Variants in PMPCB observed in about 807,000 individuals in gnomAD.
The protein encoded by PMPCB is peptidase, mitochondrial processing subunit beta.
In PMPCB, 46 loss-of-function variants were observed where a neutral mutation model predicts 61.5. The ratio of observed to expected loss-of-function variants is 0.75; its 90% confidence interval spans 0.59 to 0.96. The LOEUF is 0.96. PMPCB is among the 40% of genes least tolerant of loss of function. The pLI is 0.00. For synonymous variants in PMPCB, 191 were observed against 201.6 expected (o/e 0.95, Z 0.44); for missense variants, 590 against 602.4 (o/e 0.98, Z 0.22).
chr7:103,310,391 A>G lies in PMPCB; in HGVS notation c.1070A>G (p.Tyr357Cys). 4 of 1,613,182 alleles carry G rather than the reference A, an allele frequency of 2.5e-6. No homozygotes were observed. The highest frequency in any genetic ancestry group is 3.4e-6 in the Non-Finnish European group (4 of 1,179,208). The change falls in exon 9 of 13, where the codon TAC becomes TGC. Residue 357 changes from tyrosine to cysteine, a missense_variant. Tyr to Cys is a radical substitution (Grantham distance 194). Coordinates refer to ENST00000249269, the MANE Select transcript of PMPCB (RefSeq NM_004279.3). Reference protein sequence around the residue: ...CHSFQSFNTSYTDTGLWGLYM... With the variant: ...CHSFQSFNTSCTDTGLWGLYM... Reference sequence around the variant, plus strand: ...AGCTTTCAGTCTTTCAACACTTCCTACACAGATACAGGATTATGGGGACTG... The same window carrying G: ...AGCTTTCAGTCTTTCAACACTTCCTGCACAGATACAGGATTATGGGGACTG...
Position 103,313,854 on chromosome 7 carries a change from A to C in PMPCB, c.*1583A>C. ...TAAAAGTAGAATGTTAAGTGGTAGA[A>C]AGCTGATTTGGTTAAGTTAATGGAC... On this transcript the variant is annotated 3_prime_UTR_variant, in exon 13 of 13. Transcript: ENST00000249269. The C allele has an allele frequency of 1.0e-6, 1 of 985,378 alleles. No homozygotes were observed. The highest frequency in any genetic ancestry group is 1.2e-6 in the Non-Finnish European group (1 of 829,882). 61.0% of individuals were successfully genotyped at this position (985,378 alleles called of 1,614,324 possible).
the PMPCB span, among the ~76,000 whole-genome samples, chr7:103,341,473 C>T: frequency 2.6e-5 from 4 of 152,200 alleles, no homozygotes; most frequent in African/African-American, 9.6e-5. Flanking sequence ...GTATATCTTA[C>T]TCCTTCTGCC....
Position 103,313,657 on chromosome 7 carries a change from T to G in PMPCB, c.*1386T>G, listed in dbSNP as rs374632521. On this transcript the variant is annotated 3_prime_UTR_variant, in exon 13 of 13. Transcript: ENST00000249269. ...GATTAGATTGTGTTGTAGTGTGGTG[T>G]TCTCTTCGTCACATCTGCTAAAATC... 10 of 985,338 alleles carry G rather than the reference T, an allele frequency of 1.0e-5. No individual in the cohort carries two copies. The highest frequency in any genetic ancestry group is 1.7e-5 in the African/African-American group (1 of 57,236). 61.0% of individuals were successfully genotyped at this position (985,338 alleles called of 1,614,324 possible). A position where few individuals can be genotyped will look rare whatever the true frequency, so the allele number is the denominator to read the frequency against.
chr7:103,321,541 A>AT (rs543145349), intron 12 of PMPCB, among the ~76,000 whole-genome samples: 50 of 148,724 alleles, frequency 3.4e-4, no homozygotes, highest in African/African-American at 3.9e-4. Flanking sequence ...AATAAAAATA[A>AT]TTTTTTTTTT....
At chr7:103,340,073 G>C in the PMPCB span, among the ~76,000 whole-genome samples, 10 of 152,144 alleles carry the variant, frequency 6.6e-5, no homozygotes, top group Admixed American at 5.9e-4. Flanking sequence ...CCTGACCTCG[G>C]GTGATCTGCC....
the PMPCB span, among the ~76,000 whole-genome samples, chr7:103,343,616 G>C: frequency 6.6e-6 from 1 of 152,182 alleles, no homozygotes; most frequent in Non-Finnish European, 1.5e-5. Flanking sequence ...TTACAAACTT[G>C]TAGTAAAGGT....
chr7:103,313,460 T>C lies in PMPCB; in HGVS notation c.*1189T>C. The C allele has an allele frequency of 2.0e-6, 2 of 985,050 alleles. No individual in the cohort carries two copies. Among genetic ancestry groups the C allele is most frequent in the Non-Finnish European group, 2.4e-6 (2 of 829,590 alleles). 61.0% of individuals were successfully genotyped at this position (985,050 alleles called of 1,614,324 possible). The stretch of plus-strand genomic sequence containing the variant: ...GACTCAAAAACACAACCACAATTCA[T>C]TAAGAGTTCTGATAAATCTACTTCC... On this transcript the variant is annotated 3_prime_UTR_variant, in exon 13 of 13. Transcript: ENST00000249269.
the PMPCB span, among the ~76,000 whole-genome samples, chr7:103,339,523 G>T: frequency 6.6e-6 from 1 of 151,850 alleles, no homozygotes; most frequent in South Asian, 2.1e-4. Flanking sequence ...TTCATTCACT[G>T]TAATCTCTTG....
the PMPCB span, among the ~76,000 whole-genome samples, chr7:103,345,763 T>TA: frequency 6.6e-6 from 1 of 151,844 alleles, no homozygotes; most frequent in Admixed American, 6.6e-5. Flanking sequence ...GCCAATTAAA[T>TA]ACATTTAATT....
chr7:103,301,562 C>G (rs1042812650), intron 4 of PMPCB, among the ~76,000 whole-genome samples: 1 of 152,132 alleles, frequency 6.6e-6, no homozygotes, highest in African/African-American at 2.4e-5. Context: ...TTTTTTCCCC[C>G]TTTTCTCCTG....
downstream of PMPCB, chr7:103,319,465 T>C (rs189568072): frequency 2.7e-5 from 24 of 892,768 alleles, no homozygotes; most frequent in Admixed American, 6.0e-4. Flanking sequence ...ACCGAACACA[T>C]AAAACAACAA....
chr7:103,324,534 G>T, intron 12 of PMPCB: 1 of 1,487,320 alleles, frequency 6.7e-7, no homozygotes, highest in Non-Finnish European at 9.0e-7. Flanking sequence ...ATATCACCAA[G>T]TTTAGGAACA....
downstream of PMPCB, chr7:103,315,725 A>AG (rs1818011915): frequency 7.2e-7 from 1 of 1,379,884 alleles, no homozygotes; most frequent in African/African-American, 1.4e-5. Context: ...GCACAGATAC[A>AG]TGGCTAGCAT....
downstream of PMPCB, chr7:103,315,776 C>G: frequency 1.9e-6 from 3 of 1,613,050 alleles, no homozygotes; most frequent in Admixed American, 1.7e-5. Flanking sequence ...TCAAATCGTT[C>G]TGAAGGCGTT....
chr7:103,311,744 T>A lies in PMPCB; in HGVS notation c.1240+16T>A. ...CAGCTTGATGGTAAAAATAAAGATA[T>A]AGGTTCTGTTTTCATATGGTTGATC... On this transcript the variant is annotated intron_variant, in intron 10 of 12. Coordinates refer to ENST00000249269, the MANE Select transcript of PMPCB (RefSeq NM_004279.3). 6.2e-7 allele frequency: 1 copy of A among 1,609,114 alleles called. No homozygotes were observed. The highest frequency in any genetic ancestry group is 8.5e-7 in the Non-Finnish European group (1 of 1,175,490).
chr7:103,316,566 T>A, downstream of PMPCB: 1 of 411,922 alleles, frequency 2.4e-6, no homozygotes, highest in Admixed American at 4.1e-5. Context: ...CATGACAGAG[T>A]AAGCCAACAT....
chr7:103,338,666 C>T, the PMPCB span, among the ~76,000 whole-genome samples: 5 of 151,492 alleles, frequency 3.3e-5, no homozygotes, highest in African/African-American at 1.2e-4. Flanking sequence ...AATCCCAGTG[C>T]TTTGGGAGGC....
Position 103,311,901 on chromosome 7 carries a change from G to A in PMPCB, c.1329+5G>A. 1 of 1,581,596 alleles carries A rather than the reference G, an allele frequency of 6.3e-7. No homozygotes were observed. The highest frequency in any genetic ancestry group is 8.7e-7 in the Non-Finnish European group (1 of 1,153,132). ...GAGCTTGAAGCAAGAATTGATGTAA[G>A]TAGTCCTGAGTTACTATTGGGTCAT... is the stretch of plus-strand genomic sequence containing the variant. On this transcript the variant is annotated splice_donor_5th_base_variant and intron_variant, in intron 11 of 12. Transcript: ENST00000249269.
chr7:103,313,357 T>A lies in PMPCB; in HGVS notation c.*1086T>A. On this transcript the variant is annotated 3_prime_UTR_variant, in exon 13 of 13. Transcript: ENST00000249269. ...GTAAAGATCTACCTTGTACTGTTTA[T>A]CTCTTAAAAATCAATGTAATACACT... The A allele has an allele frequency of 8.7e-7, 1 of 1,151,108 alleles. No homozygotes were observed. The highest frequency in any genetic ancestry group is 1.1e-6 in the Non-Finnish European group (1 of 937,604). The allele number at this position is 1,151,108 out of a possible 1,614,324, so 71.3% of individuals were successfully genotyped here.
Sources: gnomAD v4.1 joint callset for allele counts (sites outside exome capture counted in the v4.1 genomes callset) on GRCh38, gnomAD v4.1.1 for gene constraint, MANE v1.5 for transcripts, NCBI Gene and HGNC (gene_info 2026-07-23, HGNC 2026-07-21) for gene names.